RRP15: variants seen among roughly 807,000 people sequenced by gnomAD.
RRP15 encodes the protein RRP15-like protein.
Under a neutral mutation model 27.1 loss-of-function variants are expected in RRP15, and 18 were observed. The observed-to-expected ratio is 0.66, with a 90% CI of 0.46 to 0.98. The LOEUF (loss-of-function observed/expected upper bound fraction) is 0.98, where lower values mean the gene tolerates loss of function less well. Ranked by LOEUF, RRP15 falls within the 50% of genes least tolerant of loss-of-function variation. The pLI is 0.00. For missense variants in RRP15, 359 were observed against 337.8 expected (o/e 1.06, Z -0.49); for synonymous variants, 107 against 109.4 (o/e 0.98, Z 0.14).
In RRP15 at chr1:218,285,582, C is replaced by T. The variant is rs141676504; in HGVS notation, c.139+127C>T. On this transcript the variant is annotated intron_variant, in intron 1 of 4. Transcript: ENST00000366932. Reference sequence around the variant, plus strand: ...TTATCTTGGCACCACTTCAGAGGGGCGACTTTGGCTTAGTGAGGAGGCTTG... The same window carrying T: ...TTATCTTGGCACCACTTCAGAGGGGTGACTTTGGCTTAGTGAGGAGGCTTG... 3.3e-3 allele frequency: 4,050 copies of T among 1,228,534 alleles called. 101 individuals carry two copies. The African/African-American group carries it at 0.054, about 17-fold the overall frequency. The allele number at this position is 1,228,534 out of a possible 1,614,324, so 76.1% of individuals were successfully genotyped here. A position where few individuals can be genotyped will look rare whatever the true frequency, so the allele number is the denominator to read the frequency against.
At chr1:218,328,212 CGTT>C (rs1232051162) in intron 4 of RRP15, among the ~76,000 whole-genome samples, 1 of 152,186 alleles carries the variant, frequency 6.6e-6, no homozygotes, top group African/African-American at 2.4e-5. Flanking sequence ...TTGAGTAAAA[CGTT>C]GTACTTAGTC....
intron 4 of RRP15, among the ~76,000 whole-genome samples, chr1:218,315,205 T>C (rs147596589): frequency 2.6e-5 from 4 of 152,212 alleles, no homozygotes; most frequent in African/African-American, 9.6e-5. Context: ...AACCTTGTAA[T>C]TTCTTCATAG....
intron 1 of RRP15, among the ~76,000 whole-genome samples, chr1:218,294,830 C>T (rs540297601): frequency 6.6e-6 from 1 of 152,292 alleles, no homozygotes. Flanking sequence ...CTGAAGCTGC[C>T]TTGGGGCTAC....
intron 1 of RRP15, among the ~76,000 whole-genome samples, chr1:218,299,027 A>G (rs1275840375): frequency 6.6e-6 from 1 of 152,192 alleles, no homozygotes; most frequent in Admixed American, 6.5e-5. Flanking sequence ...CTGCTGTTAT[A>G]AATCAGTGAG....
intron 1 of RRP15, among the ~76,000 whole-genome samples, chr1:218,292,675 T>C (rs182017723): frequency 4.0e-4 from 61 of 152,350 alleles, no homozygotes; most frequent in African/African-American, 1.3e-3. Context: ...AGTGATTGAC[T>C]GACTGAATCT....
At chr1:218,326,227 AC>A (rs1656269990) in intron 4 of RRP15, among the ~76,000 whole-genome samples, 1 of 152,136 alleles carries the variant, frequency 6.6e-6, no homozygotes, top group African/African-American at 2.4e-5. Flanking sequence ...AATCGGTTGA[AC>A]CCAAGAGGTG....
chr1:218,304,517 G>GAAATC (rs1655865422), intron 2 of RRP15, among the ~76,000 whole-genome samples: 1 of 152,222 alleles, frequency 6.6e-6, no homozygotes, highest in South Asian at 2.1e-4. Flanking sequence ...AGGAGAAATG[G>GAAATC]ATTTAAATGA....
rs1421210566 is a variant in RRP15 at position 218,325,803 on chromosome 1, G to A, written c.706-5145G>A. Reference sequence around the variant, plus strand: ...CCTGTACATTTTTTCTCTGTCTGTAGAACTCCTATTATTTGCATACTGGGC... The same window carrying A: ...CCTGTACATTTTTTCTCTGTCTGTAAAACTCCTATTATTTGCATACTGGGC... On this transcript the variant is annotated intron_variant, in intron 4 of 4. Transcript: ENST00000366932. 2.6e-5 allele frequency among the ~76,000 whole-genome samples: 4 copies of A among 152,018 alleles called. No individual in the cohort carries two copies. The East Asian group carries it at 7.7e-4, about 29-fold the overall frequency.
intron 4 of RRP15, among the ~76,000 whole-genome samples, chr1:218,323,990 G>C (rs1656230848): frequency 6.6e-6 from 1 of 152,190 alleles, no homozygotes; most frequent in Non-Finnish European, 1.5e-5. Flanking sequence ...TCTGCAGCCG[G>C]GACTTGGGTT....
rs946115650 is a variant in RRP15, at chr1:218,335,775, G to T, written c.*4684G>T. The T allele has an allele frequency of 2.6e-5, 4 of 151,900 alleles. No homozygotes were observed. Among genetic ancestry groups the T allele is most frequent in the Non-Finnish European group, 4.4e-5 (3 of 67,960 alleles). 9.4% of individuals were successfully genotyped at this position (151,900 alleles called of 1,614,324 possible). A position where few individuals can be genotyped will look rare whatever the true frequency, so the allele number is the denominator to read the frequency against. Reference sequence around the variant, plus strand: ...ATAAACTTTTATTGATATAATTTAGGCATATACAAATACTGGTGAAATTTT... The same window carrying T: ...ATAAACTTTTATTGATATAATTTAGTCATATACAAATACTGGTGAAATTTT... On this transcript the variant is annotated 3_prime_UTR_variant, in exon 5 of 5. Transcript: ENST00000366932.
chr1:218,309,682 C>CA (rs751452477), intron 4 of RRP15, among the ~76,000 whole-genome samples: 3,512 of 22,244 alleles, frequency 0.16, 721 homozygotes, highest in African/African-American at 0.26. Context: ...GACTCCATCT[C>CA]AAAAAAAAAA....
rs1390564201 is a variant in RRP15, at chr1:218,335,840, A to G, written c.*4749A>G. ...TGTTGACTTTTTTTTCAGTATTTAT[A>G]TTTTTAAAAAGATATGTTTCTTTAT... On this transcript the variant is annotated 3_prime_UTR_variant, in exon 5 of 5. Transcript: ENST00000366932. 6.6e-6 allele frequency: 1 copy of G among 152,134 alleles called. No homozygotes were observed. The highest frequency in any genetic ancestry group is 2.4e-5 in the African/African-American group (1 of 41,436). 9.4% of individuals were successfully genotyped at this position (152,134 alleles called of 1,614,324 possible).
At chr1:218,291,678 C>T (rs1167996920) in intron 1 of RRP15, among the ~76,000 whole-genome samples, 2 of 151,498 alleles carry the variant, frequency 1.3e-5, no homozygotes, top group East Asian at 3.9e-4. Flanking sequence ...ACTACAGGCA[C>T]GTGCCACCAC....
rs1656385694 is a variant in RRP15 at position 218,332,388 on chromosome 1, A to T, written c.*1297A>T. On this transcript the variant is annotated 3_prime_UTR_variant, in exon 5 of 5. Transcript: ENST00000366932. Reference sequence around the variant, plus strand: ...AATATCATTCCAAAATTTTTGTGAAATGTGGCCCAAGATCTAAAGTTTTTA... The same window carrying T: ...AATATCATTCCAAAATTTTTGTGAATTGTGGCCCAAGATCTAAAGTTTTTA... 6.6e-6 allele frequency: 1 copy of T among 152,216 alleles called. No individual in the cohort carries two copies. The highest frequency in any genetic ancestry group is 1.5e-5 in the Non-Finnish European group (1 of 68,042). The allele number at this position is 152,216 out of a possible 1,614,324, so 9.4% of individuals were successfully genotyped here. A position where few individuals can be genotyped will look rare whatever the true frequency, so the allele number is the denominator to read the frequency against.
intron 1 of RRP15, chr1:218,301,549 G>A (rs1365136659): frequency 1.3e-5 from 2 of 152,238 alleles, no homozygotes; most frequent in Non-Finnish European, 2.9e-5. Flanking sequence ...GAACTAGTTT[G>A]CTGGTAACCT....
At chr1:218,310,185 C>CTCTCTCA (rs1220650995) in intron 4 of RRP15, among the ~76,000 whole-genome samples, 1 of 152,164 alleles carries the variant, frequency 6.6e-6, no homozygotes, top group Non-Finnish European at 1.5e-5. Context: ...GTACTCTTTC[C>CTCTCTCA]TCATAGGTGT....
chr1:218,295,752 G>C (rs1655708652), intron 1 of RRP15, among the ~76,000 whole-genome samples: 1 of 152,152 alleles, frequency 6.6e-6, no homozygotes, highest in Non-Finnish European at 1.5e-5. Context: ...CAATTTATAA[G>C]ACAGGCTCAG....
chr1:218,287,249 G>A (rs1655563798), intron 1 of RRP15, among the ~76,000 whole-genome samples: 1 of 149,992 alleles, frequency 6.7e-6, no homozygotes, highest in Admixed American at 6.7e-5. Context: ...CCAAAGTGCT[G>A]AGATTACAGG....
intron 4 of RRP15, among the ~76,000 whole-genome samples, chr1:218,316,623 A>G (rs1252536940): frequency 2.6e-5 from 4 of 152,130 alleles, no homozygotes; most frequent in Non-Finnish European, 5.9e-5. Flanking sequence ...AACAGTCCCT[A>G]CCTCATAGGG....
Sources: allele counts gnomAD v4.1 joint callset (sites outside exome capture counted in the v4.1 genomes callset), GRCh38; gene constraint gnomAD v4.1.1; transcripts MANE v1.5; gene names NCBI Gene and HGNC (gene_info 2026-07-23, HGNC 2026-07-21).